The following TMEM163 variants were observed in gnomAD, a reference collection of about 807,000 sequenced individuals.
The protein encoded by TMEM163 is transmembrane protein 163.
A neutral mutation model predicts 29.3 loss-of-function variants in TMEM163; 17 were observed. The ratio of observed to expected loss-of-function variants is 0.58; its 90% CI spans 0.40 to 0.87. TMEM163 has a LOEUF of 0.87. Among genes scored for constraint, TMEM163 ranks in the 40% least tolerant of loss-of-function variants. TMEM163 has a pLI of 0.00. For missense variants in TMEM163, 303 were observed against 381.5 expected (o/e 0.79, Z 1.71); for synonymous variants, 157 against 160.6 (o/e 0.98, Z 0.17).
intron 2 of TMEM163, among the ~76,000 whole-genome samples, chr2:134,582,798 T>C (rs1008223183): frequency 3.9e-4 from 59 of 152,202 alleles, no homozygotes; most frequent in Admixed American, 1.4e-3. Context: ...AGTGGTGATA[T>C]CTCATGTGGG....
intron 4 of TMEM163, among the ~76,000 whole-genome samples, chr2:134,517,493 T>A (rs925418985): frequency 1.8e-4 from 27 of 152,332 alleles, no homozygotes; most frequent in Admixed American, 8.5e-4. Context: ...GCCGGAATTT[T>A]CTTTATCTGG....
chr2:134,496,967 G>A (rs189535006), intron 5 of TMEM163, among the ~76,000 whole-genome samples: 1 of 152,064 alleles, frequency 6.6e-6, no homozygotes, highest in Admixed American at 6.5e-5. Context: ...CTCTTCCCAC[G>A]CCTCCTCCCA....
intron 5 of TMEM163, among the ~76,000 whole-genome samples, chr2:134,476,528 A>C (rs984111307): frequency 1.3e-5 from 2 of 152,244 alleles, no homozygotes; most frequent in African/African-American, 4.8e-5. Context: ...CTTAGGTGAT[A>C]ATTACTGACA....
In TMEM163 at chr2:134,680,965, A is replaced by C. The variant is rs58450496; in HGVS notation, c.322+32235T>G. 6.6e-3 allele frequency among the ~76,000 whole-genome samples: 1,003 copies of C among 152,330 alleles called. 18 individuals are homozygous for C. The highest frequency in any genetic ancestry group is 0.023 in the African/African-American group (962 of 41,564). The stretch of plus-strand genomic sequence containing the variant: ...TAAAGATGAGCTTCTCAACCTCTGG[A>C]AACTATTGGAATAAAAGTAGTTCAA... On this transcript the variant is annotated intron_variant, in intron 2 of 7. Transcript: ENST00000281924.
Position 134,466,203 on chromosome 2 carries a change from G to A in TMEM163, c.578C>T (p.Ser193Phe), listed in dbSNP as rs1342922068. The A allele has an allele frequency of 6.2e-7, 1 of 1,613,674 alleles. No homozygotes were observed. Among genetic ancestry groups the A allele is most frequent in the East Asian group, 2.2e-5 (1 of 44,894 alleles). Residue 193 changes from serine to phenylalanine, a missense_variant, in exon 6 of 8, where the codon TCC (serine) becomes TTC (phenylalanine). Around this residue, in one of 2 missense-constraint regions of TMEM163, gnomAD observed 203 missense variants for 294.3 expected, o/e 0.69. Coordinates refer to ENST00000281924, the MANE Select transcript of TMEM163 (RefSeq NM_030923.5). ...GCTGCAAAGAATCCCACTTAAAATG[G>A]AGACACTGAACAGGAAATCGTCCTG... is the stretch of plus-strand genomic sequence containing the variant. ...PEVDDFLFSV[S>F]ILSGILCSIL...
chr2:134,626,429 C>T (rs1466058149), intron 2 of TMEM163, among the ~76,000 whole-genome samples: 1 of 151,998 alleles, frequency 6.6e-6, no homozygotes, highest in African/African-American at 2.4e-5. Flanking sequence ...TTAAGGCCAC[C>T]CACATTCCTT....
chr2:134,569,056 C>CTG (rs1461685073), intron 2 of TMEM163, among the ~76,000 whole-genome samples: 1 of 152,150 alleles, frequency 6.6e-6, no homozygotes, highest in Non-Finnish European at 1.5e-5. Context: ...AGATGGAGAG[C>CTG]TGTGTTTTTG....
chr2:134,613,588 C>T (rs1184638571), intron 2 of TMEM163, among the ~76,000 whole-genome samples: 1 of 152,068 alleles, frequency 6.6e-6, no homozygotes, highest in East Asian at 1.9e-4. Flanking sequence ...AATACAAAAG[C>T]AGTGGAATGA....
At chr2:134,685,793 A>G (rs1022343922) in intron 2 of TMEM163, among the ~76,000 whole-genome samples, 9 of 152,252 alleles carry the variant, frequency 5.9e-5, no homozygotes, top group African/African-American at 2.2e-4. Flanking sequence ...ACCACCTCAT[A>G]GATTCTTGGG....
chr2:134,498,191 AGC>A (rs1225395195), intron 5 of TMEM163, among the ~76,000 whole-genome samples: 5 of 152,064 alleles, frequency 3.3e-5, no homozygotes, highest in Admixed American at 2.0e-4. Flanking sequence ...AAAGGTAGAG[AGC>A]GCCACACCTT....
chr2:134,588,766 G>A (rs1449981278), intron 2 of TMEM163, among the ~76,000 whole-genome samples: 3 of 152,144 alleles, frequency 2.0e-5, no homozygotes, highest in African/African-American at 4.8e-5. Flanking sequence ...GGAGAACAAG[G>A]GCCATAGCAT....
chr2:134,657,188 C>T (rs566272682), intron 2 of TMEM163, among the ~76,000 whole-genome samples: 84 of 152,290 alleles, frequency 5.5e-4, no homozygotes, highest in African/African-American at 1.5e-3. Context: ...CTTCTTTGTA[C>T]ATCTGGTAGA....
chr2:134,595,880 T>C (rs931590545), intron 2 of TMEM163, among the ~76,000 whole-genome samples: 6 of 152,222 alleles, frequency 3.9e-5, no homozygotes, highest in Non-Finnish European at 5.9e-5. Context: ...TGATGAGCAT[T>C]TTTTCATGTG....
intron 2 of TMEM163, among the ~76,000 whole-genome samples, chr2:134,686,666 A>G (rs573883038): frequency 6.6e-6 from 1 of 152,210 alleles, no homozygotes; most frequent in East Asian, 1.9e-4. Context: ...CATTTGATAC[A>G]AATTTAACCA....
At chr2:134,605,641 G>A (rs375362539) in intron 2 of TMEM163, among the ~76,000 whole-genome samples, 4 of 151,780 alleles carry the variant, frequency 2.6e-5, no homozygotes, top group African/African-American at 9.7e-5. Flanking sequence ...AGCTGAGATC[G>A]CGCCATTGCA....
chr2:134,680,952 T>G (rs527984829), intron 2 of TMEM163, among the ~76,000 whole-genome samples: 6 of 152,270 alleles, frequency 3.9e-5, no homozygotes, highest in African/African-American at 1.4e-4. Flanking sequence ...AAGATGAGCT[T>G]CTCAACCTCT....
intron 2 of TMEM163, among the ~76,000 whole-genome samples, chr2:134,698,437 A>G (rs1684625951): frequency 6.6e-6 from 1 of 152,138 alleles, no homozygotes; most frequent in Admixed American, 6.5e-5. Flanking sequence ...TTCACTTCTA[A>G]TTACCTTTCA....
chr2:134,480,816 A>G (rs1360464822), intron 5 of TMEM163, among the ~76,000 whole-genome samples: 4 of 99,622 alleles, frequency 4.0e-5, no homozygotes, highest in African/African-American at 2.5e-4. Context: ...AAATGTATCT[A>G]GGGATTAAGA....
chr2:134,669,554 A>G (rs575853959), intron 2 of TMEM163, among the ~76,000 whole-genome samples: 23 of 152,330 alleles, frequency 1.5e-4, no homozygotes, highest in African/African-American at 5.1e-4. Context: ...GGCTATGCCA[A>G]TGTGGTTCCC....
Sources: allele counts gnomAD v4.1 joint callset (sites outside exome capture counted in the v4.1 genomes callset), GRCh38; gene constraint gnomAD v4.1.1; regional missense constraint gnomAD v4.1.1; transcripts MANE v1.5; gene names NCBI Gene and HGNC (gene_info 2026-07-23, HGNC 2026-07-21).